Variants in TENM2 observed in about 807,000 individuals in gnomAD.
The protein encoded by TENM2 is teneurin transmembrane protein 2.
In TENM2, 52 loss-of-function variants were observed where a neutral mutation model predicts 245.2. That is an observed-to-expected ratio of 0.21 (90% CI 0.17 to 0.27). The LOEUF (loss-of-function observed/expected upper bound fraction) is 0.27. Among genes scored for constraint, TENM2 ranks in the 10% least tolerant of loss-of-function variants. The pLI, the probability that TENM2 is intolerant of heterozygous loss-of-function variation, is 1.00. For missense variants in TENM2, 3,046 were observed against 3,666.8 expected (o/e 0.83, Z 4.37); for synonymous variants, 1,363 against 1,438.9 (o/e 0.95, Z 1.19).
At chr5:167,131,984 G>C in the TENM2 span, among the ~76,000 whole-genome samples, 1 of 151,890 alleles carries the variant, frequency 6.6e-6, no homozygotes, top group Non-Finnish European at 1.5e-5. Context: ...CACCATGCCC[G>C]GATAATTTTT....
the TENM2 span, among the ~76,000 whole-genome samples, chr5:167,088,349 G>A: frequency 5.1e-3 from 773 of 152,198 alleles, 6 homozygotes; most frequent in African/African-American, 0.017. Context: ...GAAAGTGTTC[G>A]GGCGCGGTGA....
intron 2 of TENM2, among the ~76,000 whole-genome samples, chr5:167,872,476 AAG>A (rs758562751): frequency 7.8e-5 from 9 of 115,732 alleles, no homozygotes; most frequent in East Asian, 6.7e-4. Flanking sequence ...GAAAGAAAGA[AAG>A]AAAGAAAAAG....
intron 2 of TENM2, among the ~76,000 whole-genome samples, chr5:167,650,067 A>G (rs1337095054): frequency 6.6e-6 from 1 of 152,146 alleles, no homozygotes; most frequent in Non-Finnish European, 1.5e-5. Flanking sequence ...GAGTTTTAGA[A>G]CTTCCTGACC....
At chr5:168,062,134 C>A in exon 7 of TENM2, 1 of 1,613,400 alleles carries the variant, frequency 6.2e-7, no homozygotes, top group Non-Finnish European at 8.5e-7. Context: ...ACAAGAAGTC[C>A]CACCAGGGGT....
intron 1 of TENM2, among the ~76,000 whole-genome samples, chr5:167,332,405 A>G (rs1307791813): frequency 1.3e-5 from 2 of 152,060 alleles, no homozygotes; most frequent in Admixed American, 6.5e-5. Flanking sequence ...CCTCTGAACT[A>G]CAGTTGGATC....
At chr5:168,118,572 TG>T in intron 10 of TENM2, 86 bp downstream of exon 12, 3 of 1,053,506 alleles carry the variant, frequency 2.8e-6, no homozygotes, top group Non-Finnish European at 3.9e-6. Context: ...AGTCCTGGGC[TG>T]CGTGTTTTGC....
At chr5:168,017,779 A>C (rs1785787054) in intron 5 of TENM2, among the ~76,000 whole-genome samples, 1 of 152,140 alleles carries the variant, frequency 6.6e-6, no homozygotes, top group African/African-American at 2.4e-5. Context: ...AGTTGTGGCT[A>C]TTTGAGAAAG....
intron 2 of TENM2, among the ~76,000 whole-genome samples, chr5:167,498,357 C>G (rs1345420207): frequency 6.6e-6 from 1 of 152,074 alleles, no homozygotes; most frequent in Admixed American, 6.6e-5. Context: ...TGAATTCTTA[C>G]GTCAATGATC....
intron 2 of TENM2, among the ~76,000 whole-genome samples, chr5:167,700,141 C>A (rs1042178177): frequency 1.3e-5 from 2 of 152,110 alleles, no homozygotes; most frequent in South Asian, 4.2e-4. Flanking sequence ...ATAGAACAGG[C>A]TTAAAGAGTA....
chr5:168,187,193 G>C (rs894892953), intron 13 of TENM2: 1 of 152,172 alleles, frequency 6.6e-6, no homozygotes, highest in South Asian at 2.1e-4. Context: ...GCCATCTCCT[G>C]CCAGACAGGC....
At chr5:167,619,275 C>A (rs950951551) in intron 2 of TENM2, among the ~76,000 whole-genome samples, 4 of 152,202 alleles carry the variant, frequency 2.6e-5, no homozygotes, top group Non-Finnish European at 5.9e-5. Context: ...AAGGAAGTAG[C>A]AGCTTTATTC....
chr5:167,423,398 G>A (rs1037895223), intron 2 of TENM2, among the ~76,000 whole-genome samples: 4 of 152,122 alleles, frequency 2.6e-5, no homozygotes, highest in African/African-American at 7.2e-5. Flanking sequence ...TGATTTCTGA[G>A]GTGGATAAAA....
intron 1 of TENM2, among the ~76,000 whole-genome samples, chr5:167,302,064 A>G (rs1442283501): frequency 1.3e-5 from 2 of 152,074 alleles, no homozygotes; most frequent in Admixed American, 1.3e-4. Flanking sequence ...GAAAGAAGGA[A>G]GATTTGGGAC....
At chr5:167,328,204 G>GTTTTTTTTTTTTTTTTTTTTT (rs70976412) in intron 1 of TENM2, among the ~76,000 whole-genome samples, 2 of 91,028 alleles carry the variant, frequency 2.2e-5, no homozygotes, top group African/African-American at 9.7e-5. Context: ...TTCTCATATC[G>GTTTTTTTTTTTTTTTTTTTTT]TTTTTTTTTT....
At chr5:167,819,662 G>C (rs541870796) in intron 2 of TENM2, among the ~76,000 whole-genome samples, 1 of 152,332 alleles carries the variant, frequency 6.6e-6, no homozygotes, top group East Asian at 1.9e-4. Context: ...TACCGTGCCA[G>C]GGTGCAGTTC....
chr5:167,694,932 CT>C (rs1757665393), intron 2 of TENM2, among the ~76,000 whole-genome samples: 1 of 152,244 alleles, frequency 6.6e-6, no homozygotes, highest in Non-Finnish European at 1.5e-5. Flanking sequence ...CAAACTACTT[CT>C]GTTGACATTC....
At chr5:167,953,757 G>C (rs1780306605) in intron 4 of TENM2, among the ~76,000 whole-genome samples, 1 of 152,160 alleles carries the variant, frequency 6.6e-6, no homozygotes, top group Admixed American at 6.5e-5. Flanking sequence ...TAATAACTTA[G>C]GTTTGAGGAA....
intron 1 of TENM2, among the ~76,000 whole-genome samples, chr5:167,291,937 C>G (rs1430160492): frequency 6.6e-6 from 1 of 152,132 alleles, no homozygotes; most frequent in Non-Finnish European, 1.5e-5. Flanking sequence ...GTTTAATGGA[C>G]TTACAGTTCC....
At chr5:168,118,683 G>A (rs981410873) in intron 10 of TENM2, among the ~76,000 whole-genome samples, 197 bp downstream of exon 12, 1 of 152,160 alleles carries the variant, frequency 6.6e-6, no homozygotes, top group Non-Finnish European at 1.5e-5. Context: ...AGATGGTTCT[G>A]GAAGAAACGT....
Sources: allele counts gnomAD v4.1 joint callset (sites outside exome capture counted in the v4.1 genomes callset), GRCh38; gene constraint gnomAD v4.1.1; transcripts MANE v1.5; gene names NCBI Gene and HGNC (gene_info 2026-07-23, HGNC 2026-07-21).